The following LINGO2 variants were observed in gnomAD, a reference collection of about 807,000 sequenced individuals.
LINGO2 encodes leucine-rich repeat and immunoglobulin-like domain-containing nogo receptor-interacting protein 2.
Under a neutral mutation model 30.6 loss-of-function variants are expected in LINGO2, and 14 were observed. The ratio of observed to expected loss-of-function variants is 0.46; its 90% CI spans 0.30 to 0.72. The LOEUF (loss-of-function observed/expected upper bound fraction) is 0.72. Among genes scored for constraint, LINGO2 ranks in the 30% least tolerant of loss-of-function variants. The pLI is 0.07. For synonymous variants in LINGO2, 317 were observed against 288.5 expected (o/e 1.10, Z -1.00); for missense variants, 729 against 751.7 (o/e 0.97, Z 0.35).
chr9:28,446,333 G>A (rs1172048770), intron 2 of LINGO2, among the ~76,000 whole-genome samples: 1 of 152,168 alleles, frequency 6.6e-6, no homozygotes, highest in Non-Finnish European at 1.5e-5. Flanking sequence ...AGCACATCCA[G>A]TTTATAATAT....
chr9:28,350,137 T>A (rs1189753303), intron 3 of LINGO2, among the ~76,000 whole-genome samples: 1 of 149,098 alleles, frequency 6.7e-6, no homozygotes, highest in Admixed American at 6.7e-5. Context: ...AGGATCAAAT[T>A]CACACATAAC....
the LINGO2 span, among the ~76,000 whole-genome samples, chr9:29,207,401 T>TA: frequency 6.6e-6 from 1 of 152,038 alleles, no homozygotes; most frequent in Non-Finnish European, 1.5e-5. Flanking sequence ...TAACCATAGT[T>TA]ACATTATAAT....
At chr9:28,974,815 T>A in the LINGO2 span, among the ~76,000 whole-genome samples, 2 of 152,026 alleles carry the variant, frequency 1.3e-5, no homozygotes, top group Non-Finnish European at 2.9e-5. Flanking sequence ...TTAGACACTA[T>A]TATCCCTATT....
the LINGO2 span, among the ~76,000 whole-genome samples, chr9:28,930,164 G>C: frequency 9.2e-5 from 14 of 152,230 alleles, no homozygotes; most frequent in East Asian, 2.7e-3. This position sits in a 1 kb window ranked among gnomAD's most constrained non-coding sequence, Gnocchi z 4.2. Flanking sequence ...AGCACACACT[G>C]TTCTTTGCCT....
At chr9:28,568,906 A>G (rs2135583629) in intron 1 of LINGO2, among the ~76,000 whole-genome samples, 1 of 147,104 alleles carries the variant, frequency 6.8e-6, no homozygotes, top group Non-Finnish European at 1.5e-5. Flanking sequence ...GGAAAGTATA[A>G]AACTCACGAG....
intron 2 of LINGO2, among the ~76,000 whole-genome samples, chr9:28,392,687 G>C (rs947838425): frequency 2.0e-5 from 3 of 152,090 alleles, no homozygotes; most frequent in Admixed American, 6.6e-5. Context: ...CTAATCACTT[G>C]GTGTTTCTGG....
chr9:28,069,413 C>T (rs982589120), intron 4 of LINGO2, among the ~76,000 whole-genome samples: 10 of 152,110 alleles, frequency 6.6e-5, no homozygotes, highest in Non-Finnish European at 1.3e-4. Flanking sequence ...GTCTATGGAG[C>T]TATTATGGGA....
intron 5 of LINGO2, among the ~76,000 whole-genome samples, chr9:27,998,085 C>T (rs1821758857): frequency 6.6e-6 from 1 of 152,130 alleles, no homozygotes. Context: ...GCCATCAATT[C>T]CTTTCTTCTC....
intron 2 of LINGO2, among the ~76,000 whole-genome samples, chr9:28,461,532 T>C (rs979413398): frequency 2.6e-5 from 4 of 152,182 alleles, no homozygotes; most frequent in South Asian, 4.1e-4. Context: ...AAAGAAATGT[T>C]AGATTCTTAA....
At chr9:28,936,114 A>C in the LINGO2 span, among the ~76,000 whole-genome samples, 1 of 152,152 alleles carries the variant, frequency 6.6e-6, no homozygotes, top group Non-Finnish European at 1.5e-5. Context: ...TTCACAAACA[A>C]ATTTTCACAA....
the LINGO2 span, among the ~76,000 whole-genome samples, chr9:29,073,519 T>C: frequency 6.6e-6 from 1 of 152,224 alleles, no homozygotes. Context: ...AATTAAAGAA[T>C]TGTATTTTGC....
chr9:29,169,530 T>A, the LINGO2 span, among the ~76,000 whole-genome samples: 1 of 150,944 alleles, frequency 6.6e-6, no homozygotes, highest in Admixed American at 6.6e-5. Flanking sequence ...GAAAAAAAAA[T>A]ACTTAATATC....
At chr9:28,885,374 CATATATAT>C in the LINGO2 span, among the ~76,000 whole-genome samples, 2 of 143,688 alleles carry the variant, frequency 1.4e-5, no homozygotes, top group Admixed American at 7.1e-5. Context: ...CACACACACA[CATATATAT>C]ATACACATAC....
chr9:28,136,439 CT>C, intron 4 of LINGO2, among the ~76,000 whole-genome samples: 1 of 152,200 alleles, frequency 6.6e-6, no homozygotes, highest in Non-Finnish European at 1.5e-5. Flanking sequence ...TGAAGCTTGA[CT>C]GAGAATCACT....
intron 4 of LINGO2, among the ~76,000 whole-genome samples, chr9:28,193,949 C>T (rs900800761): frequency 6.6e-6 from 1 of 152,258 alleles, no homozygotes; most frequent in East Asian, 1.9e-4. Context: ...GCTGATTTGC[C>T]CCAGAGTGAG....
In LINGO2 at chr9:28,108,300, C is replaced by T. The variant is rs112833404; in HGVS notation, c.-86-95895G>A. 6.0e-3 allele frequency among the ~76,000 whole-genome samples: 912 copies of T among 152,198 alleles called. 14 individuals are homozygous for T. Among genetic ancestry groups the T allele is most frequent in the African/African-American group, 0.021 (865 of 41,542 alleles). On this transcript the variant is annotated intron_variant, in intron 4 of 5. Transcript: ENST00000379992. ...TGGAGGAAAGAGGTGTGAGCTAACTCTTTCTTCTCAGATAAAATTACCTTT... is the reference window on the plus strand; with the variant it reads ...TGGAGGAAAGAGGTGTGAGCTAACTTTTTCTTCTCAGATAAAATTACCTTT...
intron 1 of LINGO2, among the ~76,000 whole-genome samples, chr9:28,637,917 T>C (rs7045236): frequency 0.38 from 57,443 of 151,978 alleles, 12,152 homozygotes; most frequent in African/African-American, 0.55. Context: ...AAAGGGAATG[T>C]TTCCAGTTTT....
At chr9:28,684,249 G>A in the LINGO2 span, among the ~76,000 whole-genome samples, 3 of 122,612 alleles carry the variant, frequency 2.4e-5, no homozygotes, top group Non-Finnish European at 4.7e-5. Context: ...GTGCAGTGGT[G>A]AAATCTCGGC....
intron 2 of LINGO2, among the ~76,000 whole-genome samples, chr9:28,396,246 G>A (rs1243775472): frequency 6.6e-6 from 1 of 152,150 alleles, no homozygotes; most frequent in East Asian, 1.9e-4. Context: ...TGACAAAGCT[G>A]CGAGTTACAA....
Sources: gnomAD v4.1 joint callset for allele counts (sites outside exome capture counted in the v4.1 genomes callset) on GRCh38, gnomAD v4.1.1 for gene constraint, Gnocchi (gnomAD v3.1) non-coding constraint, MANE v1.5 for transcripts, NCBI Gene and HGNC (gene_info 2026-07-23, HGNC 2026-07-21) for gene names.